DLC1: variants seen among roughly 807,000 people sequenced by gnomAD.
DLC1 encodes DLC1 Rho GTPase activating protein, also known as rho GTPase-activating protein 7.
Under a neutral mutation model 140.3 loss-of-function variants are expected in DLC1, and 54 were observed. That is an observed-to-expected ratio of 0.38 (90% CI 0.31 to 0.48). DLC1 has a LOEUF of 0.48. Ranked by LOEUF, DLC1 falls within the 20% of genes least tolerant of loss-of-function variation. The pLI, the probability that DLC1 is intolerant of heterozygous loss-of-function variation, is 0.96. For synonymous variants in DLC1, 986 were observed against 728.1 expected (o/e 1.35, Z -5.70); for missense variants, 2,536 against 1,907.0 (o/e 1.33, Z -6.14).
intron 5 of DLC1, among the ~76,000 whole-genome samples, chr8:13,123,140 C>T (rs1821245033): frequency 6.6e-6 from 1 of 152,160 alleles, no homozygotes; most frequent in African/African-American, 2.4e-5. Flanking sequence ...AGGGCTATTG[C>T]AAGGTCCACG....
intron 5 of DLC1, among the ~76,000 whole-genome samples, chr8:13,163,033 C>T (rs1824837322): frequency 6.6e-6 from 1 of 152,150 alleles, no homozygotes; most frequent in Non-Finnish European, 1.5e-5. Context: ...CATGTAGCCT[C>T]TCTAAGTAGG....
In DLC1 at chr8:13,271,874, G is replaced by T. The variant is rs544804275; in HGVS notation, c.1348+33395C>A. Among the ~76,000 whole-genome samples, 5 of 152,248 alleles carry T rather than the reference G, an allele frequency of 3.3e-5. No homozygotes were observed. In the South Asian group the frequency reaches 1.0e-3, roughly 32 times the overall value. On this transcript the variant is annotated intron_variant, in intron 5 of 17. Coordinates refer to ENST00000276297, the MANE Select transcript of DLC1 (RefSeq NM_182643.3). ...AAATTTTTTGGAGAGACAAGGTCTT[G>T]CTCTGTTACCCAGGCTGGTCTTGGG...
intron 4 of DLC1, among the ~76,000 whole-genome samples, chr8:13,356,996 A>G (rs1011769239): frequency 5.9e-5 from 9 of 151,652 alleles, no homozygotes; most frequent in African/African-American, 2.2e-4. Context: ...CCTGCTGGCC[A>G]GGTGATTCAC....
chr8:13,140,080 A>T (rs1453013204), intron 5 of DLC1, among the ~76,000 whole-genome samples: 2 of 152,112 alleles, frequency 1.3e-5, no homozygotes, highest in African/African-American at 4.8e-5. Flanking sequence ...GCCCCTGGTA[A>T]CCATTATTTC....
At chr8:13,249,091 T>G (rs1829892760) in intron 5 of DLC1, among the ~76,000 whole-genome samples, 2 of 152,178 alleles carry the variant, frequency 1.3e-5, no homozygotes, top group Non-Finnish European at 2.9e-5. Flanking sequence ...TTTTTTTTCC[T>G]TTGAGACAAA....
chr8:13,484,048 C>T (rs535079800), intron 2 of DLC1, among the ~76,000 whole-genome samples: 2 of 152,184 alleles, frequency 1.3e-5, no homozygotes, highest in East Asian at 3.9e-4. Flanking sequence ...CCATTGCACT[C>T]CAGCCTGGGC....
intron 5 of DLC1, among the ~76,000 whole-genome samples, chr8:13,201,921 G>GTTTTTTTT (rs35475930): frequency 2.9e-5 from 3 of 101,788 alleles, no homozygotes; most frequent in East Asian, 2.9e-4. Context: ...TACCCAAAAG[G>GTTTTTTTT]TTTTTTTTTT....
At chr8:13,487,577 CTT>C (rs36124888) in intron 2 of DLC1, among the ~76,000 whole-genome samples, 20 of 143,612 alleles carry the variant, frequency 1.4e-4, no homozygotes, top group Non-Finnish European at 9.2e-5. Context: ...AAATGTTTTC[CTT>C]TTTTTTTTTT....
intron 5 of DLC1, among the ~76,000 whole-genome samples, chr8:13,170,273 A>G (rs1164558342): frequency 6.6e-6 from 1 of 152,200 alleles, no homozygotes; most frequent in Non-Finnish European, 1.5e-5. Flanking sequence ...TTCTTGATGC[A>G]GTAATTACAA....
At chr8:13,199,118 T>A (rs938246355) in intron 5 of DLC1, among the ~76,000 whole-genome samples, 1 of 151,592 alleles carries the variant, frequency 6.6e-6, no homozygotes, top group African/African-American at 2.4e-5. Context: ...AATTCACTGA[T>A]CTCCAAACAT....
chr8:13,404,399 T>C (rs1025472900), intron 2 of DLC1, among the ~76,000 whole-genome samples: 5 of 152,146 alleles, frequency 3.3e-5, no homozygotes, highest in African/African-American at 1.2e-4. Flanking sequence ...TGTGAACCAG[T>C]GTCAGCTGGC....
Position 13,568,602 on chromosome 8 carries a change from G to A in DLC1, c.-126+35935C>T, listed in dbSNP as rs116996743. ...TTTTTGGAAATGAATAAGAAGAGAA[G>A]CAGGGTTGATACAAACTCTTGAGAA... On this transcript the variant is annotated intron_variant, in intron 1 of 1. Coordinates refer to the DLC1 transcript ENST00000631382. 7.6e-3 allele frequency among the ~76,000 whole-genome samples: 1,156 copies of A among 152,174 alleles called. 41 individuals are homozygous for A. The East Asian group carries it at 0.11, about 14-fold the overall frequency.
At chr8:13,185,081 T>C (rs925336315) in intron 5 of DLC1, among the ~76,000 whole-genome samples, 6 of 151,806 alleles carry the variant, frequency 4.0e-5, no homozygotes, top group African/African-American at 1.5e-4. Flanking sequence ...TCTTTATTGG[T>C]TTAAAGTCTG....
At chr8:13,132,491 C>G (rs921644976) in intron 5 of DLC1, among the ~76,000 whole-genome samples, 1 of 152,112 alleles carries the variant, frequency 6.6e-6, no homozygotes, top group African/African-American at 2.4e-5. Context: ...TAAACTCTCC[C>G]GGAGTTCACT....
intron 5 of DLC1, among the ~76,000 whole-genome samples, chr8:13,304,312 C>G (rs1427942442): frequency 6.6e-6 from 1 of 152,064 alleles, no homozygotes; most frequent in Non-Finnish European, 1.5e-5. Flanking sequence ...TCAATATTTT[C>G]CTTCTATTCT....
Position 13,094,951 on chromosome 8 carries a change from G to A in DLC1, c.3334C>T (p.Leu1112Phe), listed in dbSNP as rs1357632134. 1 of 1,614,166 alleles carries A rather than the reference G, an allele frequency of 6.2e-7. No homozygotes were observed. The highest frequency in any genetic ancestry group is 8.5e-7 in the Non-Finnish European group (1 of 1,180,028). ...LRNHCLDQVG[L>F]FRKSGVKSRI... ...GACTTGACCCCCGATTTTCTGAAGA[G>A]CCCAACCTGTCGGAAGAGCAACACT... The change falls in exon 12 of 18, where the codon CTC (leucine) becomes TTC (phenylalanine). Residue 1112 changes from leucine (L) to phenylalanine (F), a missense_variant. Physicochemically the swap from Leu to Phe is conservative, Grantham distance 22. Coordinates refer to ENST00000276297, the MANE Select transcript of DLC1 (RefSeq NM_182643.3).
At chr8:13,305,423 A>C in intron 4 of DLC1, 121 bp from the exon 5 acceptor site, 1 of 1,042,892 alleles carries the variant, frequency 9.6e-7, no homozygotes, top group South Asian at 1.8e-5. Flanking sequence ...CAATAGAAAA[A>C]TTAGCATTTT....
intron 5 of DLC1, chr8:13,133,440 C>G (rs1263889243): frequency 7.2e-5 from 28 of 388,894 alleles, no homozygotes; most frequent in Non-Finnish European, 1.0e-4. Flanking sequence ...TCCCAGGCTC[C>G]GCCCCCCGCC....
intron 1 of DLC1, among the ~76,000 whole-genome samples, chr8:13,551,293 A>T (rs1157369467): frequency 1.3e-5 from 2 of 152,112 alleles, no homozygotes; most frequent in African/African-American, 4.8e-5. Context: ...CACAGTCTTC[A>T]GTATGTGCAC....
Sources: allele counts gnomAD v4.1 joint callset (sites outside exome capture counted in the v4.1 genomes callset), GRCh38; gene constraint gnomAD v4.1.1; transcripts MANE v1.5; gene names NCBI Gene and HGNC (gene_info 2026-07-23, HGNC 2026-07-21).